PCDHGA3: variants seen among roughly 807,000 people sequenced by gnomAD.
PCDHGA3 encodes protocadherin gamma-A3.
A neutral mutation model predicts 58.5 loss-of-function variants in PCDHGA3; 40 were observed. The observed-to-expected ratio is 0.68, with a 90% CI of 0.53 to 0.89. The LOEUF (loss-of-function observed/expected upper bound fraction) is 0.89. Ranked by LOEUF, PCDHGA3 falls within the 40% of genes least tolerant of loss-of-function variation. The pLI is 0.00. For synonymous variants in PCDHGA3, 530 were observed against 525.7 expected, an observed-to-expected ratio of 1.01 and a Z score of -0.11; for missense variants, 1,223 against 1,195.9, an observed-to-expected ratio of 1.02 and a Z score of -0.33.
chr5:141,362,761 A>G (rs1352755574), intron 1 of PCDHGA3: 3 of 639,654 alleles, frequency 4.7e-6, no homozygotes, highest in Non-Finnish European at 7.9e-6. Flanking sequence ...CCTTTATCAC[A>G]TGAGATATTG....
intron 1 of PCDHGA3, among the ~76,000 whole-genome samples, chr5:141,457,694 C>G (rs891323419): frequency 6.6e-6 from 1 of 152,214 alleles, no homozygotes; most frequent in Non-Finnish European, 1.5e-5. Flanking sequence ...TTTGGATTGG[C>G]TTTGATGAAA....
rs576484406 is a variant in PCDHGA3, at chr5:141,344,997, C to T, written c.964C>T (p.Gln322Ter). The T allele has an allele frequency of 6.8e-6, 11 of 1,613,934 alleles. No individual in the cohort carries two copies. The African/African-American group carries it at 1.5e-4, about 22-fold the overall frequency. Residue 322 changes from glutamine to a stop codon, truncating the protein, a stop_gained, in exon 1 of 4, where the codon CAG becomes TAG. Coordinates refer to ENST00000253812, the MANE Select transcript of PCDHGA3 (RefSeq NM_018916.4). LOFTEE classifies it high-confidence loss of function. Reference protein sequence around the residue: ...AMFYEIKIEAQDGPGLLSRAK... With the variant: ...AMFYEIKIEA Reference sequence around the variant, plus strand: ...GTTCTATGAAATTAAAATTGAAGCACAGGATGGACCAGGTCTTCTTTCAAG... The same window carrying T: ...GTTCTATGAAATTAAAATTGAAGCATAGGATGGACCAGGTCTTCTTTCAAG...
chr5:141,356,753 G>A (rs1429942058), intron 1 of PCDHGA3: 1 of 1,613,978 alleles, frequency 6.2e-7, no homozygotes, highest in South Asian at 1.1e-5. Context: ...TATGCTCTTT[G>A]CTCCTTCGAC....
At chr5:141,365,972 C>A (rs1287343424) in intron 1 of PCDHGA3, 1 of 1,614,232 alleles carries the variant, frequency 6.2e-7, no homozygotes, top group Admixed American at 1.7e-5. Context: ...CAACGTGTCG[C>A]TGAGCCTGTT....
At chr5:141,504,206 A>G (rs1209911822) in intron 2 of PCDHGA3, among the ~76,000 whole-genome samples, 1 of 152,218 alleles carries the variant, frequency 6.6e-6, no homozygotes, top group African/African-American at 2.4e-5. Flanking sequence ...CTGTGGGAAA[A>G]TTCCAAGTAG....
At chr5:141,437,312 G>T (rs2097875410) in intron 1 of PCDHGA3, among the ~76,000 whole-genome samples, 1 of 152,176 alleles carries the variant, frequency 6.6e-6, no homozygotes, top group South Asian at 2.1e-4. Context: ...AAAGCGTTCA[G>T]CTATAATTTA....
rs759576434 is a variant in PCDHGA3 at position 141,432,109 on chromosome 5, G to C, written c.2425-62698G>C. Reference sequence around the variant, plus strand: ...TGGCAGACACCAACGACAACCCGCCGGTCTTCCCTCAGGCCTCCTATTCCG... The same window carrying C: ...TGGCAGACACCAACGACAACCCGCCCGTCTTCCCTCAGGCCTCCTATTCCG... On this transcript the variant is annotated intron_variant, in intron 1 of 3. Transcript: ENST00000253812. The surrounding 1 kb of genome is among the most constrained non-coding windows in gnomAD (Gnocchi z 6.0). 9 of 1,613,972 alleles carry C rather than the reference G, an allele frequency of 5.6e-6. No homozygotes were observed. In the African/African-American group the frequency reaches 9.3e-5, roughly 17 times the overall value.
intron 1 of PCDHGA3, among the ~76,000 whole-genome samples, chr5:141,382,440 G>T (rs1184288404): frequency 6.6e-6 from 1 of 152,174 alleles, no homozygotes; most frequent in Non-Finnish European, 1.5e-5. Flanking sequence ...TCACTTGAAA[G>T]TTGCAAGGCA....
chr5:141,383,351 G>C, intron 1 of PCDHGA3: 1 of 1,613,992 alleles, frequency 6.2e-7, no homozygotes, highest in Non-Finnish European at 8.5e-7. Flanking sequence ...CCTGGGGTTC[G>C]GTTTCCGTTA....
intron 2 of PCDHGA3, among the ~76,000 whole-genome samples, chr5:141,499,780 G>A (rs776654854): frequency 1.4e-5 from 2 of 145,766 alleles, no homozygotes; most frequent in Non-Finnish European, 3.0e-5. Flanking sequence ...TTCGCCTCCC[G>A]GGTTCAAGCA....
intron 1 of PCDHGA3, chr5:141,415,749 T>C: frequency 8.2e-7 from 1 of 1,214,000 alleles, no homozygotes; most frequent in Non-Finnish European, 1.1e-6. Flanking sequence ...GGTTTTTTTT[T>C]TTTTTTTTTT....
At chr5:141,497,983 C>T (rs2099780927) in intron 2 of PCDHGA3, among the ~76,000 whole-genome samples, 1 of 152,168 alleles carries the variant, frequency 6.6e-6, no homozygotes, top group African/African-American at 2.4e-5. Context: ...GTGGGAGGCC[C>T]CTGCCCTCAA....
intron 1 of PCDHGA3, chr5:141,392,860 T>C (rs726684): frequency 6.2e-7 from 1 of 1,612,118 alleles, no homozygotes; most frequent in Non-Finnish European, 8.5e-7. Flanking sequence ...CTGATCCTGC[T>C]GTGCGCGCTG....
intron 1 of PCDHGA3, chr5:141,375,277 T>G: frequency 1.9e-6 from 3 of 1,613,826 alleles, no homozygotes; most frequent in Non-Finnish European, 2.5e-6. Context: ...AAAAATCAGT[T>G]GGCAATTATT....
At chr5:141,361,029 A>G (rs1433504702) in intron 1 of PCDHGA3, 2 of 1,613,256 alleles carry the variant, frequency 1.2e-6, no homozygotes, top group Non-Finnish European at 1.7e-6. Context: ...ATGAAAAAAC[A>G]GGAGAAATCA....
intron 1 of PCDHGA3, among the ~76,000 whole-genome samples, chr5:141,437,842 A>G (rs1372385076): frequency 2.0e-5 from 3 of 150,650 alleles, no homozygotes; most frequent in East Asian, 3.9e-4. Context: ...GGTTCATGCT[A>G]TTCTCCTGCC....
In PCDHGA3 at chr5:141,409,436, C is replaced by T. The variant is rs368696166; in HGVS notation, c.2424+62979C>T. Reference sequence around the variant, plus strand: ...ACTGGTGACAGATGGAGCCCTGGACCGAGAGCAGACACCAGAATACAATGT... The same window carrying T: ...ACTGGTGACAGATGGAGCCCTGGACTGAGAGCAGACACCAGAATACAATGT... On this transcript the variant is annotated intron_variant, in intron 1 of 3. Transcript: ENST00000253812. 6 of 1,613,864 alleles carry T rather than the reference C, an allele frequency of 3.7e-6. 1 individual carries two copies. The highest frequency in any genetic ancestry group is 5.1e-6 in the Non-Finnish European group (6 of 1,179,900).
chr5:141,511,267 C>A lies in PCDHGA3; in HGVS notation c.*94C>A, dbSNP rs1223074819. The A allele has an allele frequency of 6.5e-7, 1 of 1,549,404 alleles. No individual in the cohort carries two copies. Among genetic ancestry groups the A allele is most frequent in the Non-Finnish European group, 8.7e-7 (1 of 1,146,836 alleles). Reference sequence around the variant, plus strand: ...CCAGGCCTCAGAGTTTCAGGGCTAACCCCCAGAATACTGGTAGGGGCCAAG... The same window carrying A: ...CCAGGCCTCAGAGTTTCAGGGCTAAACCCCAGAATACTGGTAGGGGCCAAG... On this transcript the variant is annotated 3_prime_UTR_variant, in exon 4 of 4. Coordinates refer to ENST00000253812, the MANE Select transcript of PCDHGA3 (RefSeq NM_018916.4).
Position 141,494,815 on chromosome 5 carries a change from G to C in PCDHGA3, c.2433G>C (p.Pro811=). 6.2e-7 allele frequency: 1 copy of C among 1,613,976 alleles called. No individual in the cohort carries two copies. The highest frequency in any genetic ancestry group is 8.5e-7 in the Non-Finnish European group (1 of 1,179,982). Residue 811 remains proline, a synonymous_variant, in exon 2 of 4, where the codon CCG becomes CCC. Transcript: ENST00000253812. Reference sequence around the variant, plus strand: ...CTCTGTTTTCTCCACAGCAAGCCCCGCCCAACACGGACTGGCGTTTCTCTC... The same window carrying C: ...CTCTGTTTTCTCCACAGCAAGCCCCCCCCAACACGGACTGGCGTTTCTCTC... ...KGDSNLLQQA[P]PNTDWRFSQA...
Sources: allele counts gnomAD v4.1 joint callset (sites outside exome capture counted in the v4.1 genomes callset), GRCh38; gene constraint gnomAD v4.1.1; non-coding constraint Gnocchi (gnomAD v3.1); transcripts MANE v1.5; gene names NCBI Gene and HGNC (gene_info 2026-07-23, HGNC 2026-07-21).